Variants in RNF217 observed in about 807,000 individuals in gnomAD.
RNF217 encodes the protein ring finger protein 217, also known as E3 ubiquitin-protein ligase RNF217.
Under a neutral mutation model 57.8 loss-of-function variants are expected in RNF217, and 31 were observed. That is an observed-to-expected ratio of 0.54 (90% CI 0.40 to 0.72). RNF217 has a LOEUF of 0.72. Among genes scored for constraint, RNF217 ranks in the 30% least tolerant of loss-of-function variants. The probability of loss-of-function intolerance (pLI) is 0.00; values close to 1 mark genes in which losing one functional copy is unlikely to be tolerated. For synonymous variants in RNF217, 313 were observed against 294.0 expected (o/e 1.06, Z -0.66); for missense variants, 696 against 708.3 (o/e 0.98, Z 0.20).
chr6:125,047,303 A>T (rs1167732703), intron 2 of RNF217, among the ~76,000 whole-genome samples: 6 of 152,096 alleles, frequency 3.9e-5, no homozygotes, highest in Non-Finnish European at 8.8e-5. Context: ...AAGGAGTTAT[A>T]ATTTAAGTCA....
At chr6:125,064,369 A>T (rs1256300896) in intron 3 of RNF217, among the ~76,000 whole-genome samples, 2 of 152,132 alleles carry the variant, frequency 1.3e-5, no homozygotes, top group African/African-American at 2.4e-5. Flanking sequence ...GACGGCACAT[A>T]CTTTGGAGGA....
At chr6:125,000,556 T>C (rs1468039970) in intron 1 of RNF217, among the ~76,000 whole-genome samples, 3 of 152,100 alleles carry the variant, frequency 2.0e-5, no homozygotes, top group Non-Finnish European at 4.4e-5. Context: ...TAAATATTTA[T>C]TATTTTATAA....
intron 1 of RNF217, among the ~76,000 whole-genome samples, chr6:124,973,279 G>T (rs1017529925): frequency 6.6e-6 from 1 of 152,136 alleles, no homozygotes; most frequent in African/African-American, 2.4e-5. Context: ...AAGCCATAGA[G>T]TGTTCTTCTC....
At chr6:125,010,947 G>T (rs1295759792) in intron 1 of RNF217, among the ~76,000 whole-genome samples, 1 of 152,110 alleles carries the variant, frequency 6.6e-6, no homozygotes, top group East Asian at 1.9e-4. Context: ...AAAAAGACGG[G>T]GTTGAATTCA....
intron 1 of RNF217, among the ~76,000 whole-genome samples, chr6:125,044,918 T>G (rs1481970872): frequency 1.3e-5 from 2 of 152,112 alleles, no homozygotes; most frequent in Non-Finnish European, 2.9e-5. Context: ...AAACATGAGA[T>G]GATAATTTGC....
chr6:125,010,160 T>C (rs1424640813), intron 1 of RNF217, among the ~76,000 whole-genome samples: 1 of 152,108 alleles, frequency 6.6e-6, no homozygotes, highest in Non-Finnish European at 1.5e-5. Context: ...TTTCTTACAT[T>C]ATGCTCGTTC....
chr6:125,040,204 A>C (rs896818288), intron 1 of RNF217, among the ~76,000 whole-genome samples: 3 of 152,176 alleles, frequency 2.0e-5, no homozygotes, highest in Non-Finnish European at 4.4e-5. Context: ...AGCTAGACTA[A>C]TAAAGAAGAA....
intron 1 of RNF217, chr6:125,008,624 C>T (rs955515471): frequency 3.3e-5 from 5 of 152,138 alleles, no homozygotes; most frequent in Admixed American, 2.0e-4. Context: ...AGCAGCCTTC[C>T]GTGGCTTTGT....
In RNF217 at chr6:125,046,625, T is replaced by G. The variant is rs770671109; in HGVS notation, c.1116+1181T>G. ...ATTACAGCAAAATGGCAGGATGAAG[T>G]GGTTTCAAAGGCTGTTTGGAGTCAT... is the stretch of plus-strand genomic sequence containing the variant. On this transcript the variant is annotated intron_variant, in intron 2 of 5. Transcript: ENST00000521654. 3.5e-5 allele frequency: 16 copies of G among 455,916 alleles called. No individual in the cohort carries two copies. In the East Asian group the frequency reaches 1.1e-3, roughly 32 times the overall value. 28.2% of individuals were successfully genotyped at this position (455,916 alleles called of 1,614,324 possible).
intron 3 of RNF217, among the ~76,000 whole-genome samples, chr6:125,068,233 A>C (rs1316878615): frequency 6.6e-6 from 1 of 152,148 alleles, no homozygotes; most frequent in Admixed American, 6.6e-5. Flanking sequence ...AAAGAGTTTT[A>C]AAATGTAGAG....
At chr6:124,993,700 C>A (rs1456638480) in intron 1 of RNF217, among the ~76,000 whole-genome samples, 1 of 152,094 alleles carries the variant, frequency 6.6e-6, no homozygotes, top group Non-Finnish European at 1.5e-5. Flanking sequence ...CATAGGAAGG[C>A]CGGGTAGGCC....
intron 3 of RNF217, among the ~76,000 whole-genome samples, chr6:125,074,810 A>G (rs1240268476): frequency 6.6e-6 from 1 of 152,192 alleles, no homozygotes; most frequent in Non-Finnish European, 1.5e-5. Context: ...GTTTTAGCTT[A>G]TGGCTAAGAC....
At chr6:124,987,033 G>A (rs1018749756) in intron 1 of RNF217, among the ~76,000 whole-genome samples, 25 of 152,044 alleles carry the variant, frequency 1.6e-4, no homozygotes, top group South Asian at 4.1e-4. Flanking sequence ...AGGTTTTGCC[G>A]AATATAGATA....
intron 1 of RNF217, among the ~76,000 whole-genome samples, chr6:124,998,324 C>T (rs1485918216): frequency 6.6e-6 from 1 of 152,170 alleles, no homozygotes; most frequent in Admixed American, 6.5e-5. Context: ...GATTCTCTAA[C>T]AGAGGTACAA....
chr6:125,062,041 A>G (rs907841980), intron 3 of RNF217, among the ~76,000 whole-genome samples: 2 of 152,198 alleles, frequency 1.3e-5, no homozygotes, highest in Non-Finnish European at 1.5e-5. Context: ...TTAAATTACA[A>G]TATCTTAAAT....
intron 1 of RNF217, among the ~76,000 whole-genome samples, chr6:125,030,121 G>A (rs1159214662): frequency 6.6e-6 from 1 of 152,102 alleles, no homozygotes; most frequent in East Asian, 1.9e-4. Flanking sequence ...CAGATCTTGT[G>A]AGACTTATTC....
rs535616420 is a variant in RNF217, at chr6:125,036,677, A to G, written c.883-8534A>G. On this transcript the variant is annotated intron_variant, in intron 1 of 5. Coordinates refer to ENST00000521654, the MANE Select transcript of RNF217 (RefSeq NM_001286398.3). ...CAAGTAACGTAAACATATTTACAAG[A>G]AAAAAAACATCAAAAAGTGGATGAA... 4.6e-5 allele frequency among the ~76,000 whole-genome samples: 7 copies of G among 151,908 alleles called. No homozygotes were observed. In the East Asian group the frequency reaches 1.4e-3, roughly 29 times the overall value.
intron 3 of RNF217, among the ~76,000 whole-genome samples, chr6:125,070,395 G>A (rs1788091105): frequency 6.6e-6 from 1 of 152,192 alleles, no homozygotes; most frequent in South Asian, 2.1e-4. Context: ...TGGATCAAAT[G>A]ATAGCTTTAC....
chr6:125,031,047 G>A lies in RNF217; in HGVS notation c.883-14164G>A, dbSNP rs575783855. 7.9e-5 allele frequency among the ~76,000 whole-genome samples: 12 copies of A among 152,350 alleles called. No homozygotes were observed. In the East Asian group the frequency reaches 2.3e-3, roughly 29 times the overall value. ...GCACATGCACGCGGAACACCACATG[G>A]AAGCTGTCAAGGTTTGGAGCTTCCA... On this transcript the variant is annotated intron_variant, in intron 1 of 5. Transcript: ENST00000521654.
Sources: allele counts gnomAD v4.1 joint callset (sites outside exome capture counted in the v4.1 genomes callset), GRCh38; gene constraint gnomAD v4.1.1; transcripts MANE v1.5; gene names NCBI Gene and HGNC (gene_info 2026-07-23, HGNC 2026-07-21).